Variants in WWOX observed in about 807,000 individuals in gnomAD.
The protein encoded by WWOX is WW domain-containing oxidoreductase.
In WWOX, 69 loss-of-function variants were observed where a neutral mutation model predicts 46.2. The observed-to-expected ratio is 1.49, with a 90% CI of 1.23 to 1.82. The LOEUF (loss-of-function observed/expected upper bound fraction) is 1.82. Ranked by LOEUF, WWOX falls within the 40% of genes most tolerant of loss-of-function variation. WWOX has a pLI of 0.00. For missense variants in WWOX, 919 were observed against 542.6 expected (o/e 1.69, Z -6.89); for synonymous variants, 359 against 202.6 (o/e 1.77, Z -6.56).
At chr16:78,269,621 A>C (rs894117575) in intron 5 of WWOX, among the ~76,000 whole-genome samples, 1 of 152,212 alleles carries the variant, frequency 6.6e-6, no homozygotes, top group African/African-American at 2.4e-5. Flanking sequence ...TTATTAGCCA[A>C]CTTCAAACCT....
At chr16:78,963,955 G>T (rs1286633336) in intron 8 of WWOX, among the ~76,000 whole-genome samples, 4 of 152,082 alleles carry the variant, frequency 2.6e-5, no homozygotes, top group Admixed American at 2.6e-4. Context: ...AATTTATCAG[G>T]GGTTTCTGCA....
At chr16:78,360,616 T>C (rs1395711567) in intron 5 of WWOX, among the ~76,000 whole-genome samples, 6 of 80,700 alleles carry the variant, frequency 7.4e-5, no homozygotes, top group Non-Finnish European at 1.8e-4. Context: ...GAAATAGCAA[T>C]ATTTCACAGT....
intron 8 of WWOX, among the ~76,000 whole-genome samples, chr16:78,542,802 C>T (rs2043929853): frequency 6.6e-6 from 1 of 152,066 alleles, no homozygotes; most frequent in Admixed American, 6.6e-5. Flanking sequence ...CTTTCGTTTC[C>T]TTTCTTTCTT....
At chr16:78,164,592 T>G (rs2034911602) in intron 5 of WWOX, among the ~76,000 whole-genome samples, 1 of 152,210 alleles carries the variant, frequency 6.6e-6, no homozygotes, top group African/African-American at 2.4e-5. Context: ...TGATTGCAAC[T>G]AGGAGACTGT....
chr16:78,103,241 TG>T (rs1233801746), intron 1 of WWOX, among the ~76,000 whole-genome samples: 4 of 113,714 alleles, frequency 3.5e-5, no homozygotes, highest in Non-Finnish European at 6.0e-5. Context: ...CTGGCTCCGC[TG>T]TTTTTTTTTT....
At chr16:78,198,977 G>T (rs569319729) in intron 5 of WWOX, among the ~76,000 whole-genome samples, 1 of 151,730 alleles carries the variant, frequency 6.6e-6, no homozygotes, top group Non-Finnish European at 1.5e-5. Context: ...CCTTTCACCC[G>T]TAACTTCTGC....
intron 7 of WWOX, among the ~76,000 whole-genome samples, chr16:78,431,861 C>T (rs2083225522): frequency 6.6e-6 from 1 of 152,064 alleles, no homozygotes; most frequent in Admixed American, 6.6e-5. Context: ...GGACCACAGG[C>T]ATGTGCCAAA....
At chr16:79,041,175 G>T (rs1403468093) in intron 8 of WWOX, among the ~76,000 whole-genome samples, 2 of 152,036 alleles carry the variant, frequency 1.3e-5, no homozygotes, top group African/African-American at 2.4e-5. Context: ...CCATGGTCTT[G>T]CCCCAACTTA....
At chr16:79,209,525 T>A (rs1288996027) in intron 8 of WWOX, among the ~76,000 whole-genome samples, 1 of 152,146 alleles carries the variant, frequency 6.6e-6, no homozygotes, top group African/African-American at 2.4e-5. Context: ...GGCGGGAGGC[T>A]GGACTTGAAA....
intron 8 of WWOX, among the ~76,000 whole-genome samples, chr16:78,572,602 C>CA (rs35178787): frequency 0.25 from 10,309 of 40,952 alleles, 2,320 homozygotes; most frequent in East Asian, 0.38. Context: ...GACTCTGTCT[C>CA]AAAAAAAAAA....
intron 5 of WWOX, among the ~76,000 whole-genome samples, chr16:78,292,063 CTT>C (rs5818123): frequency 5.0e-4 from 68 of 136,906 alleles, no homozygotes; most frequent in Middle Eastern, 3.7e-3. Context: ...TGATTTTTAC[CTT>C]TTTTTTTTTT....
chr16:78,887,585 C>CA (rs1266329935), intron 8 of WWOX, among the ~76,000 whole-genome samples: 1 of 151,476 alleles, frequency 6.6e-6, no homozygotes, highest in East Asian at 1.9e-4. Context: ...GGGAGTTGAA[C>CA]AAGTGGCTGA....
At chr16:78,830,028 T>G (rs2051772724) in intron 8 of WWOX, among the ~76,000 whole-genome samples, 1 of 151,976 alleles carries the variant, frequency 6.6e-6, no homozygotes. Context: ...GAGTCTGAAG[T>G]GGTAGGATCA....
chr16:78,975,307 A>C (rs528511986), intron 8 of WWOX, among the ~76,000 whole-genome samples: 10 of 152,248 alleles, frequency 6.6e-5, no homozygotes, highest in Admixed American at 2.6e-4. Flanking sequence ...AGGATGAGGT[A>C]ATAGTGTGCT....
chr16:78,363,473 C>G (rs1220854236), intron 5 of WWOX, among the ~76,000 whole-genome samples: 1 of 151,910 alleles, frequency 6.6e-6, no homozygotes, highest in Non-Finnish European at 1.5e-5. Flanking sequence ...GTGACAGTGT[C>G]TTGCTGTGTT....
intron 8 of WWOX, among the ~76,000 whole-genome samples, chr16:78,782,073 C>T (rs1465576273): frequency 2.0e-5 from 3 of 152,252 alleles, no homozygotes; most frequent in South Asian, 2.1e-4. Flanking sequence ...GTGGCGGCTG[C>T]GGGGAGAAAT....
chr16:78,773,519 G>A (rs1282240101), intron 8 of WWOX, among the ~76,000 whole-genome samples: 1 of 152,226 alleles, frequency 6.6e-6, no homozygotes, highest in African/African-American at 2.4e-5. Flanking sequence ...GTTGGAGGAT[G>A]CTGTGTTGAT....
At chr16:78,398,436 A>G (rs1450815170) in intron 6 of WWOX, among the ~76,000 whole-genome samples, 1 of 152,214 alleles carries the variant, frequency 6.6e-6, no homozygotes, top group Non-Finnish European at 1.5e-5. Flanking sequence ...GAGGGTAGTT[A>G]GGATGGCAAG....
chr16:78,597,704 A>C lies in WWOX; in HGVS notation c.1056+164952A>C, dbSNP rs185888294. On this transcript the variant is annotated intron_variant, in intron 8 of 8. Transcript: ENST00000566780. ...TGCCTCAGTGATCTTCTATAACATAAGTTGATAGTCAATAATTGCTTAATG... is the reference window on the plus strand; with the variant it reads ...TGCCTCAGTGATCTTCTATAACATACGTTGATAGTCAATAATTGCTTAATG... Among the ~76,000 whole-genome samples the C allele has an allele frequency of 4.7e-4, 71 of 151,838 alleles. 1 individual carries two copies. Among genetic ancestry groups the C allele is most frequent in the Non-Finnish European group, 1.0e-4 (7 of 67,982 alleles).
Sources: gnomAD v4.1 joint callset for allele counts (sites outside exome capture counted in the v4.1 genomes callset) on GRCh38, gnomAD v4.1.1 for gene constraint, MANE v1.5 for transcripts, NCBI Gene and HGNC (gene_info 2026-07-23, HGNC 2026-07-21) for gene names.